CELF4: variants seen among roughly 807,000 people sequenced by gnomAD.
The protein encoded by CELF4 is CUG-BP- and ETR-3-like factor 4.
CELF4 carries 18 observed loss-of-function variants against 59.9 expected under a neutral mutation model. The observed-to-expected ratio is 0.30, with a 90% CI of 0.21 to 0.45. The LOEUF (loss-of-function observed/expected upper bound fraction) is 0.45. Ranked by LOEUF, CELF4 falls within the 20% of genes least tolerant of loss-of-function variation. The probability of loss-of-function intolerance (pLI) is 1.00; values close to 1 mark genes in which losing one functional copy is unlikely to be tolerated. For synonymous variants in CELF4, 261 were observed against 267.1 expected, an observed-to-expected ratio of 0.98 and a Z score of 0.22; for missense variants, 456 against 689.0, an observed-to-expected ratio of 0.66 and a Z score of 3.79.
At chr18:37,419,830 G>A (rs2099562702) in intron 2 of CELF4, among the ~76,000 whole-genome samples, 1 of 152,236 alleles carries the variant, frequency 6.6e-6, no homozygotes, top group Non-Finnish European at 1.5e-5. Flanking sequence ...CAGCCCATCT[G>A]CTCCTCAGGA....
intron 2 of CELF4, among the ~76,000 whole-genome samples, chr18:37,429,324 T>G (rs1259207067): frequency 6.6e-6 from 1 of 151,950 alleles, no homozygotes; most frequent in African/African-American, 2.4e-5. Context: ...GTGTGTGTGT[T>G]GGGGAGCATG....
intron 5 of CELF4, 97 bp downstream of exon 5, chr18:37,274,708 G>C (rs2092707209): frequency 6.7e-7 from 1 of 1,502,968 alleles, no homozygotes. Flanking sequence ...ATGCTTTCCT[G>C]TCTCTTGGGG....
At chr18:37,499,024 T>G (rs1038643405) in intron 1 of CELF4, among the ~76,000 whole-genome samples, 2 of 152,220 alleles carry the variant, frequency 1.3e-5, no homozygotes, top group Non-Finnish European at 2.9e-5. Context: ...AAAAATGGCT[T>G]TGGCCTTTGT....
chr18:37,543,103 C>A (rs900481784), intron 1 of CELF4, among the ~76,000 whole-genome samples: 9 of 152,300 alleles, frequency 5.9e-5, no homozygotes, highest in African/African-American at 2.2e-4. Context: ...CCATCCCCAG[C>A]CTCCAAGAGC....
chr18:37,560,531 C>T (rs2099986234), intron 1 of CELF4, among the ~76,000 whole-genome samples: 2 of 152,118 alleles, frequency 1.3e-5, no homozygotes, highest in South Asian at 4.1e-4. Context: ...AAATGCTTTT[C>T]TTGTTTTCTG....
At chr18:37,495,992 C>G (rs1034376358) in intron 1 of CELF4, among the ~76,000 whole-genome samples, 1 of 152,112 alleles carries the variant, frequency 6.6e-6, no homozygotes, top group African/African-American at 2.4e-5. Flanking sequence ...TTGGGTCACA[C>G]AGCCAAGCCA....
At chr18:37,340,308 G>C (rs1248912449) in intron 2 of CELF4, among the ~76,000 whole-genome samples, 2 of 152,248 alleles carry the variant, frequency 1.3e-5, no homozygotes, top group Non-Finnish European at 2.9e-5. Context: ...TGCCAGCTGG[G>C]CTGGGCTCAG....
At position 37,442,687 on chromosome 18, in the gene CELF4, G is replaced by A. The variant is rs185662841; in HGVS notation, c.369+42838C>T. Among the ~76,000 whole-genome samples the A allele has an allele frequency of 2.0e-3, 298 of 152,296 alleles. 1 individual carries two copies. Among genetic ancestry groups the A allele is most frequent in the Non-Finnish European group, 2.4e-3 (163 of 68,028 alleles). On this transcript the variant is annotated intron_variant, in intron 2 of 12. Transcript: ENST00000420428. Reference sequence around the variant, plus strand: ...AAGGAAACAGATTGTGCTGTGCCTCGTCTCTGGACAGTTGCTAAGAAGAGG... The same window carrying A: ...AAGGAAACAGATTGTGCTGTGCCTCATCTCTGGACAGTTGCTAAGAAGAGG...
intron 2 of CELF4, among the ~76,000 whole-genome samples, chr18:37,442,885 T>A (rs1280157814): frequency 6.6e-6 from 1 of 152,214 alleles, no homozygotes; most frequent in Non-Finnish European, 1.5e-5. Context: ...CTCCTTCCTT[T>A]TCTTACACAG....
chr18:37,360,100 G>A (rs183013984), intron 2 of CELF4, among the ~76,000 whole-genome samples: 62 of 148,904 alleles, frequency 4.2e-4, no homozygotes, highest in Admixed American at 1.9e-3. Flanking sequence ...CAATCCACCC[G>A]CCTCGGCCTC....
chr18:37,321,350 TCA>T (rs1210144608), intron 3 of CELF4, among the ~76,000 whole-genome samples: 1 of 152,176 alleles, frequency 6.6e-6, no homozygotes, highest in Admixed American at 6.5e-5. Context: ...GATCTCTGCC[TCA>T]GTGCTGGCCT....
At chr18:37,449,892 C>T (rs1034171183) in intron 2 of CELF4, among the ~76,000 whole-genome samples, 7 of 152,210 alleles carry the variant, frequency 4.6e-5, no homozygotes, top group Non-Finnish European at 7.3e-5. Context: ...CTGGCTACCA[C>T]CCCCTGCCCA....
At chr18:37,476,153 C>T (rs1337799992) in intron 2 of CELF4, among the ~76,000 whole-genome samples, 2 of 152,230 alleles carry the variant, frequency 1.3e-5, no homozygotes, top group African/African-American at 4.8e-5. Context: ...AAAGGGCGCA[C>T]ACATGTGATT....
intron 3 of CELF4, among the ~76,000 whole-genome samples, chr18:37,304,765 T>G (rs2096287367): frequency 1.3e-5 from 2 of 152,200 alleles, no homozygotes; most frequent in Admixed American, 1.3e-4. Flanking sequence ...GGGCTTCCTT[T>G]CGGGGGAAGT....
chr18:37,391,483 T>A (rs1406140087), intron 2 of CELF4, among the ~76,000 whole-genome samples: 3 of 152,226 alleles, frequency 2.0e-5, no homozygotes, highest in African/African-American at 4.8e-5. Flanking sequence ...AGGTCCCATG[T>A]GGTCGAACAG....
At chr18:37,446,692 T>C (rs1207965977) in intron 2 of CELF4, among the ~76,000 whole-genome samples, 4 of 152,130 alleles carry the variant, frequency 2.6e-5, no homozygotes, top group Non-Finnish European at 4.4e-5. Flanking sequence ...TTCCCACCCT[T>C]CCTCCTCTCT....
chr18:37,559,177 T>C (rs184677062), intron 1 of CELF4, among the ~76,000 whole-genome samples: 2 of 152,116 alleles, frequency 1.3e-5, no homozygotes, highest in East Asian at 3.9e-4. Context: ...ACAGCATCAT[T>C]CTTTCCAGAT....
At chr18:37,463,368 G>A (rs1036891106) in intron 2 of CELF4, among the ~76,000 whole-genome samples, 3 of 152,092 alleles carry the variant, frequency 2.0e-5, no homozygotes, top group Admixed American at 6.6e-5. Flanking sequence ...AGAGGCACCC[G>A]ACATATTTGT....
chr18:37,328,688 G>A (rs187542244), intron 2 of CELF4, among the ~76,000 whole-genome samples: 133 of 152,262 alleles, frequency 8.7e-4, no homozygotes, highest in Non-Finnish European at 1.0e-3. Flanking sequence ...GGCCCTGCTC[G>A]TCATCTATCC....
Sources: gnomAD v4.1 joint callset for allele counts (sites outside exome capture counted in the v4.1 genomes callset) on GRCh38, gnomAD v4.1.1 for gene constraint, MANE v1.5 for transcripts, NCBI Gene and HGNC (gene_info 2026-07-23, HGNC 2026-07-21) for gene names.